The following CHD1L variants were observed in gnomAD, a reference collection of about 807,000 sequenced individuals.
CHD1L encodes the protein chromodomain helicase DNA binding protein 1 like, also known as ATP-dependent chromatin remodeler CHD1L.
In CHD1L, 118 loss-of-function variants were observed where a neutral mutation model predicts 115.9. The ratio of observed to expected loss-of-function variants is 1.02; its 90% CI spans 0.88 to 1.19. The LOEUF is 1.19. Among genes scored for constraint, CHD1L ranks in the 50% most tolerant of loss-of-function variants. The probability of loss-of-function intolerance (pLI) is 0.00; values close to 1 mark genes in which losing one functional copy is unlikely to be tolerated. For synonymous variants in CHD1L, 411 were observed against 387.1 expected, an observed-to-expected ratio of 1.06 and a Z score of -0.72; for missense variants, 1,179 against 1,065.3, an observed-to-expected ratio of 1.11 and a Z score of -1.49.
At chr1:147,191,796 G>C in the CHD1L span, among the ~76,000 whole-genome samples, 165 of 152,106 alleles carry the variant, frequency 1.1e-3, no homozygotes, top group Non-Finnish European at 2.0e-3. Flanking sequence ...GTTTTTGTCA[G>C]GTTTGTCAAA....
the CHD1L span, chr1:147,203,311 C>T: frequency 1.3e-5 from 21 of 1,595,530 alleles, no homozygotes; most frequent in Non-Finnish European, 1.5e-5. Context: ...TTTCTTCCCA[C>T]TTGGAGGCTT....
intron 12 of CHD1L, 86 bp from the exon 13 acceptor site, chr1:147,275,264 TTATC>T: frequency 1.1e-6 from 1 of 896,746 alleles, no homozygotes; most frequent in Non-Finnish European, 1.8e-6. Flanking sequence ...TGATTTCAGT[TTATC>T]AGTCTGACCC....
At chr1:147,219,907 C>T in the CHD1L span, among the ~76,000 whole-genome samples, 2 of 146,406 alleles carry the variant, frequency 1.4e-5, no homozygotes, top group Admixed American at 7.0e-5. Flanking sequence ...GGCACAATCT[C>T]GGCTCACCAC....
At chr1:147,292,789 A>T (rs781989127) in intron 20 of CHD1L, among the ~76,000 whole-genome samples, 12 of 152,094 alleles carry the variant, frequency 7.9e-5, no homozygotes, top group Non-Finnish European at 1.6e-4. Context: ...CAGAGCAAGA[A>T]CTCATCACCA....
chr1:147,212,626 T>G, the CHD1L span: 16 of 1,179,132 alleles, frequency 1.4e-5, no homozygotes, highest in Non-Finnish European at 1.8e-5. Context: ...GACTTAAGTT[T>G]AAGCATATAT....
the CHD1L span, chr1:147,204,198 A>C: frequency 1.5e-6 from 2 of 1,375,378 alleles, no homozygotes; most frequent in African/African-American, 2.8e-5. Flanking sequence ...ATGCCATCAA[A>C]AGGACAAGAG....
At chr1:147,206,928 T>C in the CHD1L span, among the ~76,000 whole-genome samples, 1 of 151,946 alleles carries the variant, frequency 6.6e-6, no homozygotes, top group East Asian at 1.9e-4. Flanking sequence ...GAACTTAAAG[T>C]ATAATAAAAA....
At chr1:147,190,115 A>G in the CHD1L span, 1 of 1,147,436 alleles carries the variant, frequency 8.7e-7, no homozygotes, top group East Asian at 2.3e-5. Flanking sequence ...ACAGTACAAT[A>G]TTTCTTTTAT....
chr1:147,258,585 C>G (rs1290920439), intron 5 of CHD1L, among the ~76,000 whole-genome samples: 1 of 152,192 alleles, frequency 6.6e-6, no homozygotes, highest in Non-Finnish European at 1.5e-5. Flanking sequence ...TTCCTGCACT[C>G]TCTTTGGACC....
At chr1:147,267,545 T>G (rs782430555) in intron 9 of CHD1L, 27 bp downstream of exon 9, 1 of 1,560,300 alleles carries the variant, frequency 6.4e-7, no homozygotes, top group Non-Finnish European at 8.8e-7. Flanking sequence ...TCCCCCCACA[T>G]TATTCTTTGG....
At chr1:147,205,939 T>C in the CHD1L span, among the ~76,000 whole-genome samples, 1 of 151,964 alleles carries the variant, frequency 6.6e-6, no homozygotes, top group Non-Finnish European at 1.5e-5. Flanking sequence ...ACTAAAGAGC[T>C]TCTGCACAGC....
chr1:147,186,702 A>G, the CHD1L span: 1 of 1,403,266 alleles, frequency 7.1e-7, no homozygotes, highest in Non-Finnish European at 9.2e-7. Flanking sequence ...GTGACGGATC[A>G]TGAGTGGAAG....
the CHD1L span, among the ~76,000 whole-genome samples, chr1:147,223,289 G>A: frequency 2.0e-5 from 3 of 152,192 alleles, no homozygotes; most frequent in Non-Finnish European, 4.4e-5. Flanking sequence ...ATACACGTAT[G>A]CAGGTCAGCT....
At chr1:147,278,863 G>A (rs1484965555) in intron 14 of CHD1L, among the ~76,000 whole-genome samples, 4 of 152,076 alleles carry the variant, frequency 2.6e-5, no homozygotes, top group African/African-American at 4.8e-5. Context: ...TCTAACCTCC[G>A]AGCACATGCC....
At position 147,272,154 on chromosome 1, in the gene CHD1L, TC is replaced by T; in HGVS notation, c.1160-16del. 1.3e-6 allele frequency: 2 copies of T among 1,593,624 alleles called. No individual in the cohort carries two copies. The highest frequency in any genetic ancestry group is 1.7e-6 in the Non-Finnish European group (2 of 1,167,970). On this transcript the variant is annotated splice_polypyrimidine_tract_variant and intron_variant, in intron 11 of 22. Coordinates refer to ENST00000369258, the MANE Select transcript of CHD1L (RefSeq NM_004284.6). Reference sequence around the variant, plus strand: ...TGAAAAGGGTTAAGATTTCTGTTTTTCTTCCTCTCTGTAAAGGCTACAGCTA... The same window carrying T: ...TGAAAAGGGTTAAGATTTCTGTTTTTTTCCTCTCTGTAAAGGCTACAGCTA...
chr1:147,213,151 T>C, the CHD1L span, among the ~76,000 whole-genome samples: 1 of 152,134 alleles, frequency 6.6e-6, no homozygotes, highest in African/African-American at 2.4e-5. Context: ...ATGGCAGTAA[T>C]ACAAGTTACC....
Position 147,256,576 on chromosome 1 carries a change from A to T in CHD1L, c.494+14A>T, listed in dbSNP as rs781814351. 12 of 1,610,190 alleles carry T rather than the reference A, an allele frequency of 7.5e-6. No homozygotes were observed. Among genetic ancestry groups the T allele is most frequent in the Admixed American group, 5.0e-5 (3 of 59,636 alleles). ...ATTTCTAAAATCGTGAGTAGGTTGT[A>T]CTATTTAAGAACTTGGGTTGAATGT... is the stretch of plus-strand genomic sequence containing the variant. On this transcript the variant is annotated intron_variant, in intron 5 of 22. Transcript: ENST00000369258.
At chr1:147,247,765 AG>A (rs34622755) in intron 1 of CHD1L, among the ~76,000 whole-genome samples, 5,424 of 152,200 alleles carry the variant, frequency 0.036, 161 homozygotes, top group Non-Finnish European at 0.054. Context: ...TGGAGGCTCT[AG>A]GGGAGAATAT....
At chr1:147,269,742 C>G (rs587652713) in intron 10 of CHD1L, among the ~76,000 whole-genome samples, 19 of 151,770 alleles carry the variant, frequency 1.3e-4, no homozygotes, top group Non-Finnish European at 2.5e-4. Flanking sequence ...CCTAATCCTC[C>G]TAGTCACCAG....
Sources: gnomAD v4.1 joint callset for allele counts (sites outside exome capture counted in the v4.1 genomes callset) on GRCh38, gnomAD v4.1.1 for gene constraint, MANE v1.5 for transcripts, NCBI Gene and HGNC (gene_info 2026-07-23, HGNC 2026-07-21) for gene names.